The following JMJD1C variants were observed in gnomAD, a reference collection of about 807,000 sequenced individuals.
JMJD1C encodes jumonji domain-containing protein 1C.
A neutral mutation model predicts 245.3 loss-of-function variants in JMJD1C; 31 were observed. That is an observed-to-expected ratio of 0.13 (90% CI 0.09 to 0.17). The LOEUF (loss-of-function observed/expected upper bound fraction) is 0.17. JMJD1C is among the 10% of genes least tolerant of loss of function. The probability of loss-of-function intolerance (pLI) is 1.00; values close to 1 mark genes in which losing one functional copy is unlikely to be tolerated. For missense variants in JMJD1C, 2,691 were observed against 3,000.2 expected, an observed-to-expected ratio of 0.90 and a Z score of 2.41; for synonymous variants, 1,057 against 1,017.4, an observed-to-expected ratio of 1.04 and a Z score of -0.74.
intron 2 of JMJD1C, among the ~76,000 whole-genome samples, chr10:63,335,249 TCAACC>T: frequency 1.3e-5 from 2 of 152,218 alleles, no homozygotes; most frequent in Middle Eastern, 3.4e-3. Context: ...GAATGTTGCT[TCAACC>T]TGAACAATGA....
At chr10:63,521,309 G>GC (rs1955221575) in intron 1 of JMJD1C, 3 of 68 alleles carry the variant, frequency 0.044, no homozygotes, top group African/African-American at 0.2. Flanking sequence ...CAGGGGCGGG[G>GC]TGCTGTCCGG....
intron 1 of JMJD1C, among the ~76,000 whole-genome samples, chr10:63,440,603 T>TAAA (rs1219198662): frequency 6.6e-6 from 1 of 151,924 alleles, no homozygotes; most frequent in Non-Finnish European, 1.5e-5. Context: ...GTAGCCTTTA[T>TAAA]AAAAAGTTTC....
chr10:63,284,863 AC>A (rs1857794375), intron 2 of JMJD1C, among the ~76,000 whole-genome samples: 1 of 8,694 alleles, frequency 1.2e-4, no homozygotes, highest in Non-Finnish European at 5.7e-4. Context: ...AGATTCACAC[AC>A]ACACACACAC....
intron 1 of JMJD1C, among the ~76,000 whole-genome samples, chr10:63,414,710 A>T (rs1174912618): frequency 6.6e-6 from 1 of 152,048 alleles, no homozygotes; most frequent in African/African-American, 2.4e-5. Flanking sequence ...CAACATGGTG[A>T]AACTTCATCT....
intron 1 of JMJD1C, among the ~76,000 whole-genome samples, chr10:63,484,705 A>G (rs1290707799): frequency 1.3e-5 from 2 of 152,146 alleles, no homozygotes; most frequent in Admixed American, 6.6e-5. Context: ...AATTGGCACT[A>G]TCCATGCCAA....
chr10:63,286,289 C>T (rs920889088), intron 2 of JMJD1C, among the ~76,000 whole-genome samples: 19 of 152,212 alleles, frequency 1.2e-4, no homozygotes, highest in Non-Finnish European at 1.5e-5. Flanking sequence ...ATACACATAT[C>T]TAAGCCTTAC....
intron 1 of JMJD1C, among the ~76,000 whole-genome samples, chr10:63,482,957 A>T (rs1426978249): frequency 6.6e-6 from 1 of 152,236 alleles, no homozygotes; most frequent in African/African-American, 2.4e-5. Flanking sequence ...TGAAAAATTA[A>T]ATCTGTAATT....
intron 1 of JMJD1C, among the ~76,000 whole-genome samples, chr10:63,428,996 G>A (rs1354280174): frequency 6.6e-6 from 1 of 151,968 alleles, no homozygotes; most frequent in South Asian, 2.1e-4. Flanking sequence ...GTGGGGGGGA[G>A]GGGCACGGAA....
chr10:63,299,154 T>C (rs1172580402), intron 2 of JMJD1C, among the ~76,000 whole-genome samples: 3 of 152,190 alleles, frequency 2.0e-5, no homozygotes, highest in Non-Finnish European at 4.4e-5. Context: ...AATAAAGATA[T>C]ATGAAATATC....
chr10:63,425,039 C>G (rs1336587635), intron 1 of JMJD1C, among the ~76,000 whole-genome samples: 1 of 152,146 alleles, frequency 6.6e-6, no homozygotes, highest in Non-Finnish European at 1.5e-5. Context: ...CTCTATTACA[C>G]ATAAACACCT....
chr10:63,489,174 C>A (rs956556145), intron 1 of JMJD1C, among the ~76,000 whole-genome samples: 2 of 152,150 alleles, frequency 1.3e-5, no homozygotes, highest in South Asian at 2.1e-4. Context: ...CTGAGGCAGG[C>A]GGATCACCTG....
intron 2 of JMJD1C, among the ~76,000 whole-genome samples, chr10:63,357,490 G>A (rs1432172673): frequency 6.6e-6 from 1 of 151,904 alleles, no homozygotes; most frequent in Non-Finnish European, 1.5e-5. Flanking sequence ...ATTTTTAGTA[G>A]AGACGGGGTT....
upstream of JMJD1C, chr10:63,466,243 G>GAC (rs1953274470): frequency 6.2e-6 from 1 of 162,104 alleles, no homozygotes; most frequent in African/African-American, 2.4e-5. Context: ...TGTATTCGTT[G>GAC]CTCCCTCAGA....
chr10:63,488,369 A>G (rs1954064159), intron 1 of JMJD1C, among the ~76,000 whole-genome samples: 1 of 152,232 alleles, frequency 6.6e-6, no homozygotes, highest in South Asian at 2.1e-4. Context: ...AATGTTCTAA[A>G]GCTACCTTTC....
At chr10:63,434,338 T>C (rs777007512) in intron 1 of JMJD1C, among the ~76,000 whole-genome samples, 3 of 152,160 alleles carry the variant, frequency 2.0e-5, no homozygotes, top group Non-Finnish European at 4.4e-5. Flanking sequence ...GACTAGGTTA[T>C]GGGAAACAAA....
intron 2 of JMJD1C, among the ~76,000 whole-genome samples, chr10:63,307,535 T>C (rs1402447129): frequency 6.6e-6 from 1 of 152,078 alleles, no homozygotes; most frequent in African/African-American, 2.4e-5. Context: ...GGCAATTTGA[T>C]AGAAACCTGA....
Position 63,464,785 on chromosome 10 carries a change from C to T in JMJD1C, c.168+710G>A, listed in dbSNP as rs570695359. Among the ~76,000 whole-genome samples, 12 of 151,876 alleles carry T rather than the reference C, an allele frequency of 7.9e-5. No individual in the cohort carries two copies. The South Asian group carries it at 2.5e-3, about 32-fold the overall frequency. On this transcript the variant is annotated intron_variant, in intron 1 of 25. Transcript: ENST00000399262. The stretch of plus-strand genomic sequence containing the variant: ...CGTCTTATTTAAAATCGTATAAAAC[C>T]CAGAAACAGCTTGACTCCAAAGAAC...
rs1375484725 is a variant in JMJD1C at position 63,207,253 on chromosome 10, C to G, written c.4416G>C (p.Gly1472=). The G allele has an allele frequency of 6.2e-7, 1 of 1,613,922 alleles. No individual in the cohort carries two copies. The highest frequency in any genetic ancestry group is 8.5e-7 in the Non-Finnish European group (1 of 1,180,032). The stretch of plus-strand genomic sequence containing the variant: ...GGATAAAATCAGTTGTGCCTGAGAA[C>G]CCAGAACTGGGTTGAACAACACTTC... ...KTGSVVQPSS[G]FSGTTDFIHL... The change falls in exon 10 of 26, where the codon GGG becomes GGC. Residue 1472 remains glycine, a synonymous_variant. Transcript: ENST00000399262.
intron 2 of JMJD1C, among the ~76,000 whole-genome samples, chr10:63,290,493 G>A (rs772402101): frequency 1.4e-4 from 22 of 152,106 alleles, no homozygotes; most frequent in Non-Finnish European, 2.4e-4. Context: ...CCCAGGAGGC[G>A]GAGGTTGCAG....
Sources: allele counts gnomAD v4.1 joint callset (sites outside exome capture counted in the v4.1 genomes callset), GRCh38; gene constraint gnomAD v4.1.1; transcripts MANE v1.5; gene names NCBI Gene and HGNC (gene_info 2026-07-23, HGNC 2026-07-21).